CRKL: variants seen among roughly 807,000 people sequenced by gnomAD.
CRKL encodes the protein crk-like protein.
CRKL carries 3 observed loss-of-function variants against 23.0 expected under a neutral mutation model. The ratio of observed to expected loss-of-function variants is 0.13; its 90% confidence interval spans 0.06 to 0.34. The LOEUF is 0.34. CRKL is among the 10% of genes least tolerant of loss of function. The pLI is 1.00. For synonymous variants in CRKL, 188 were observed against 160.7 expected (o/e 1.17, Z -1.28); for missense variants, 256 against 394.5 (o/e 0.65, Z 2.97).
chr22:20,935,476 C>A (rs1285060333), intron 2 of CRKL, among the ~76,000 whole-genome samples: 1 of 151,828 alleles, frequency 6.6e-6, no homozygotes, highest in Non-Finnish European at 1.5e-5. Context: ...ATTAGAATAG[C>A]ATGAAATAGA....
chr22:20,935,372 C>G (rs941140421), intron 2 of CRKL, among the ~76,000 whole-genome samples: 2 of 151,094 alleles, frequency 1.3e-5, no homozygotes, highest in African/African-American at 4.9e-5. Context: ...CTTGGCCTCC[C>G]AAAGTGCTGG....
chr22:20,936,373 A>G (rs1335345774), intron 2 of CRKL, among the ~76,000 whole-genome samples: 1 of 151,666 alleles, frequency 6.6e-6, no homozygotes, highest in African/African-American at 2.4e-5. Flanking sequence ...TTTGAGACGG[A>G]GTTTCGCTCT....
At position 20,932,248 on chromosome 22, in the gene CRKL, G is replaced by A. The variant is rs147286364; in HGVS notation, c.312-1531G>A. On this transcript the variant is annotated intron_variant, in intron 1 of 2. Coordinates refer to ENST00000354336, the MANE Select transcript of CRKL (RefSeq NM_005207.4). ...CTCAGCCTCTTGAGTATCTGGGACC[G>A]CAGGTGTGTGCCACTATGCCCGGCT... is the stretch of plus-strand genomic sequence containing the variant. Among the ~76,000 whole-genome samples, 349 of 151,964 alleles carry A rather than the reference G, an allele frequency of 2.3e-3. 1 individual carries two copies. The highest frequency in any genetic ancestry group is 5.7e-3 in the African/African-American group (238 of 41,432).
chr22:20,925,509 C>T (rs1386634808), intron 1 of CRKL, among the ~76,000 whole-genome samples: 8 of 152,190 alleles, frequency 5.3e-5, no homozygotes, highest in African/African-American at 9.6e-5. Context: ...AGCGAGACTT[C>T]GTCTCGGAAA....
At chr22:20,943,413 G>C (rs779774994) in intron 2 of CRKL, among the ~76,000 whole-genome samples, 4 of 151,840 alleles carry the variant, frequency 2.6e-5, no homozygotes, top group Admixed American at 6.6e-5. Context: ...CTAATTTTTT[G>C]TATTTTTAGT....
chr22:20,918,338 A>G, intron 1 of CRKL, 93 bp downstream of exon 1: 1 of 1,382,002 alleles, frequency 7.2e-7, no homozygotes, highest in Non-Finnish European at 9.7e-7. Context: ...GCTTGAACCC[A>G]TATTCCCCGC....
At chr22:20,934,301 GT>G (rs1921572638) in intron 2 of CRKL, 57 bp downstream of exon 2, 1 of 1,457,358 alleles carries the variant, frequency 6.9e-7, no homozygotes, top group Non-Finnish European at 9.3e-7. Context: ...TTAATTTTTA[GT>G]TTTAGTTTAG....
At chr22:20,936,720 A>AT (rs531105709) in intron 2 of CRKL, among the ~76,000 whole-genome samples, 292 of 151,990 alleles carry the variant, frequency 1.9e-3, no homozygotes, top group African/African-American at 6.8e-3. Flanking sequence ...TCAATGTTTG[A>AT]TTTTTTGCCT....
At chr22:20,936,191 C>G (rs1236281491) in intron 2 of CRKL, among the ~76,000 whole-genome samples, 1 of 152,020 alleles carries the variant, frequency 6.6e-6, no homozygotes, top group Non-Finnish European at 1.5e-5. Context: ...GAGAGAGAGC[C>G]TAAGTGCATT....
At chr22:20,944,189 A>C (rs1478313945) in intron 2 of CRKL, among the ~76,000 whole-genome samples, 3 of 121,724 alleles carry the variant, frequency 2.5e-5, no homozygotes, top group East Asian at 4.6e-4. Flanking sequence ...GGGTCTCACT[A>C]TGTTGCCCAG....
chr22:20,920,811 C>G (rs1920984483), intron 1 of CRKL, among the ~76,000 whole-genome samples: 1 of 152,158 alleles, frequency 6.6e-6, no homozygotes, highest in South Asian at 2.1e-4. Context: ...TGTTGAAATC[C>G]TACCTGTTGT....
At chr22:20,920,624 G>GT (rs1158653995) in intron 1 of CRKL, among the ~76,000 whole-genome samples, 2 of 152,148 alleles carry the variant, frequency 1.3e-5, no homozygotes, top group Non-Finnish European at 2.9e-5. Flanking sequence ...TCTTCTTAGA[G>GT]AACAAGCATG....
chr22:20,931,146 C>G (rs974283427), intron 1 of CRKL, among the ~76,000 whole-genome samples: 1 of 152,112 alleles, frequency 6.6e-6, no homozygotes, highest in Non-Finnish European at 1.5e-5. Context: ...TGGCTCACAC[C>G]TGTAATCCCA....
intron 1 of CRKL, among the ~76,000 whole-genome samples, chr22:20,921,713 T>C (rs1333917267): frequency 6.6e-6 from 1 of 151,766 alleles, no homozygotes; most frequent in Non-Finnish European, 1.5e-5. Context: ...CTTTCTTTCT[T>C]TTTTCTTTTT....
At position 20,950,995 on chromosome 22, in the gene CRKL, T is replaced by G. The variant is rs186924008; in HGVS notation, c.*1150T>G. The G allele has an allele frequency of 8.6e-6, 2 of 232,826 alleles. No homozygotes were observed. The highest frequency in any genetic ancestry group is 1.1e-4 in the Admixed American group (2 of 17,768). 14.4% of individuals were successfully genotyped at this position (232,826 alleles called of 1,614,324 possible). A position where few individuals can be genotyped will look rare whatever the true frequency, so the allele number is the denominator to read the frequency against. ...AAAAGCATCAGAGTTGGGGGTACTT[T>G]AGGGAAACCTTTGCTTACCTTGTTT... On this transcript the variant is annotated 3_prime_UTR_variant, in exon 3 of 3. Coordinates refer to ENST00000354336, the MANE Select transcript of CRKL (RefSeq NM_005207.4).
chr22:20,929,090 A>G (rs1390541261), intron 1 of CRKL, among the ~76,000 whole-genome samples: 3 of 152,206 alleles, frequency 2.0e-5, no homozygotes, highest in Non-Finnish European at 2.9e-5. Flanking sequence ...GTAGTGGACA[A>G]TAGGCAAAAA....
At chr22:20,945,807 G>T (rs1249307363) in intron 2 of CRKL, among the ~76,000 whole-genome samples, 3 of 151,382 alleles carry the variant, frequency 2.0e-5, no homozygotes, top group Admixed American at 1.3e-4. Flanking sequence ...TGTCTCCTTT[G>T]TGTCCTCTGT....
At chr22:20,923,627 T>C (rs1317581972) in intron 1 of CRKL, among the ~76,000 whole-genome samples, 1 of 140,006 alleles carries the variant, frequency 7.1e-6, no homozygotes, top group African/African-American at 2.7e-5. Context: ...CAGGCTGGAG[T>C]GTGGTGGTGC....
chr22:20,934,355 G>T, intron 2 of CRKL, 111 bp downstream of exon 2: 1 of 972,740 alleles, frequency 1.0e-6, no homozygotes. Context: ...TAGAGCACTG[G>T]ATGATTTTGG....
Sources: allele counts gnomAD v4.1 joint callset (sites outside exome capture counted in the v4.1 genomes callset), GRCh38; gene constraint gnomAD v4.1.1; transcripts MANE v1.5; gene names NCBI Gene and HGNC (gene_info 2026-07-23, HGNC 2026-07-21).